Variants in PWP1 observed in about 807,000 individuals in gnomAD.
PWP1 encodes PWP1 homolog, endonuclein.
Under a neutral mutation model 69.9 loss-of-function variants are expected in PWP1, and 47 were observed. The ratio of observed to expected loss-of-function variants is 0.67; its 90% confidence interval spans 0.53 to 0.86. PWP1 has a LOEUF of 0.86. Ranked by LOEUF, PWP1 falls within the 40% of genes least tolerant of loss-of-function variation. PWP1 has a pLI of 0.00. For missense variants in PWP1, 551 were observed against 608.8 expected, an observed-to-expected ratio of 0.91 and a Z score of 1.00; for synonymous variants, 222 against 208.2, an observed-to-expected ratio of 1.07 and a Z score of -0.57.
intron 11 of PWP1, among the ~76,000 whole-genome samples, chr12:107,707,734 A>AT: frequency 6.6e-6 from 1 of 152,324 alleles, no homozygotes; most frequent in South Asian, 2.1e-4. Flanking sequence ...CCAGCCTTGC[A>AT]TCCCAGGGAT....
In PWP1 at chr12:107,708,919, T is replaced by C; in HGVS notation, c.1078-7T>C. On this transcript the variant is annotated splice_region_variant and splice_polypyrimidine_tract_variant and intron_variant, in intron 11 of 14. Coordinates refer to ENST00000412830, the MANE Select transcript of PWP1 (RefSeq NM_007062.3). Reference sequence around the variant, plus strand: ...GCATGACCTTGCCCATCTTTTACTCTTTCTAGGCCAGTACAGATGACGGCT... The same window carrying C: ...GCATGACCTTGCCCATCTTTTACTCCTTCTAGGCCAGTACAGATGACGGCT... The C allele has an allele frequency of 6.2e-7, 1 of 1,611,970 alleles. No individual in the cohort carries two copies. The highest frequency in any genetic ancestry group is 8.5e-7 in the Non-Finnish European group (1 of 1,179,300).
At chr12:107,710,859 ATGTT>A (rs1452386638) in intron 14 of PWP1, among the ~76,000 whole-genome samples, 1 of 152,220 alleles carries the variant, frequency 6.6e-6, no homozygotes, top group Non-Finnish European at 1.5e-5. Flanking sequence ...GTAATTGGTA[ATGTT>A]TGTTCATGTT....
At chr12:107,702,821 A>C (rs1889739495) in intron 8 of PWP1, 114 bp from the exon 9 acceptor site, 1 of 690,918 alleles carries the variant, frequency 1.4e-6, no homozygotes, top group East Asian at 2.8e-5. Context: ...CTTTTGTTAA[A>C]TTTATTCCTA....
At chr12:107,710,558 A>G in intron 14 of PWP1, 48 bp downstream of exon 14, 1 of 1,445,056 alleles carries the variant, frequency 6.9e-7, no homozygotes, top group Non-Finnish European at 9.3e-7. Context: ...CCTGTAAAAA[A>G]AAAAAAAAAA....
At chr12:107,697,715 G>A (rs1307705593) in intron 7 of PWP1, 118 bp downstream of exon 7, 24 of 1,016,414 alleles carry the variant, frequency 2.4e-5, no homozygotes, top group Non-Finnish European at 3.6e-5. Context: ...GATGGGGTAG[G>A]TAGTTATGAA....
chr12:107,710,462 G>T lies in PWP1; in HGVS notation c.1348G>T (p.Gly450Cys). The change falls in exon 14 of 15, where the codon GGT (glycine) becomes TGT (cysteine). Residue 450 changes from glycine to cysteine, a missense_variant. Gly to Cys is a radical substitution (Grantham distance 159). Coordinates refer to ENST00000412830, the MANE Select transcript of PWP1 (RefSeq NM_007062.3). The part of the protein sequence containing the change: ...PDLPFIYAFG[G>C]QKEGLRVWDI... Reference sequence around the variant, plus strand: ...TTTGCCATTTATTTATGCCTTTGGAGGTCAAAAAGAAGGGCTTCGGGTCTG... The same window carrying T: ...TTTGCCATTTATTTATGCCTTTGGATGTCAAAAAGAAGGGCTTCGGGTCTG... 4.4e-6 allele frequency: 7 copies of T among 1,607,392 alleles called. No homozygotes were observed. The highest frequency in any genetic ancestry group is 6.0e-6 in the Non-Finnish European group (7 of 1,176,042).
chr12:107,688,272 T>C (rs992663419), intron 1 of PWP1, among the ~76,000 whole-genome samples, 176 bp from the exon 2 acceptor site: 3 of 146,530 alleles, frequency 2.0e-5, no homozygotes, highest in African/African-American at 7.3e-5. Context: ...AGATCTTATT[T>C]GTAAGAATCT....
At chr12:107,698,005 G>A (rs895027097) in intron 7 of PWP1, among the ~76,000 whole-genome samples, 35 of 152,198 alleles carry the variant, frequency 2.3e-4, no homozygotes, top group Middle Eastern at 3.4e-3. Context: ...TTTTAAAATC[G>A]TTAGGTTTTA....
intron 5 of PWP1, among the ~76,000 whole-genome samples, chr12:107,695,668 G>A (rs958448872): frequency 3.9e-5 from 6 of 152,090 alleles, no homozygotes; most frequent in Non-Finnish European, 5.9e-5. Flanking sequence ...GTCCTCAGGA[G>A]CTTTGTTTAC....
chr12:107,689,626 A>G (rs1889442568), intron 3 of PWP1, among the ~76,000 whole-genome samples: 1 of 152,148 alleles, frequency 6.6e-6, no homozygotes, highest in Non-Finnish European at 1.5e-5. Context: ...CACATCTGTA[A>G]TCCCAGCTAC....
intron 11 of PWP1, among the ~76,000 whole-genome samples, chr12:107,705,419 G>A (rs187419965): frequency 1.0e-3 from 154 of 150,426 alleles, no homozygotes; most frequent in African/African-American, 3.6e-3. Context: ...TGTGCACAAC[G>A]TCCAGGTTTG....
At chr12:107,705,563 C>T (rs1187859242) in intron 11 of PWP1, among the ~76,000 whole-genome samples, 1 of 142,078 alleles carries the variant, frequency 7.0e-6, no homozygotes, top group East Asian at 2.1e-4. Flanking sequence ...TGTTCCCCTT[C>T]CTGTGTCCAA....
intron 1 of PWP1, 76 bp downstream of exon 1, chr12:107,686,047 G>A: frequency 6.5e-7 from 1 of 1,532,408 alleles, no homozygotes; most frequent in Non-Finnish European, 9.0e-7. Context: ...GGGGGAACGT[G>A]GACCCGGAAC....
At chr12:107,695,842 G>A (rs1471021887) in intron 5 of PWP1, among the ~76,000 whole-genome samples, 1 of 152,044 alleles carries the variant, frequency 6.6e-6, no homozygotes, top group Non-Finnish European at 1.5e-5. Context: ...ACTACTTCTT[G>A]TAGTTATGAA....
Position 107,708,925 on chromosome 12 carries a change from G to A in PWP1, c.1078-1G>A, listed in dbSNP as rs1242489612. 13 of 1,612,566 alleles carry A rather than the reference G, an allele frequency of 8.1e-6. No individual in the cohort carries two copies. The highest frequency in any genetic ancestry group is 1.1e-5 in the Non-Finnish European group (13 of 1,179,660). ...CCTTGCCCATCTTTTACTCTTTCTA[G>A]GCCAGTACAGATGACGGCTTTGTAT... On this transcript the variant is annotated splice_acceptor_variant, in intron 11 of 14. Coordinates refer to ENST00000412830, the MANE Select transcript of PWP1 (RefSeq NM_007062.3). LOFTEE classifies it high-confidence loss of function.
At position 107,709,017 on chromosome 12, in the gene PWP1, G is replaced by A; in HGVS notation, c.1168+1G>A. The A allele has an allele frequency of 6.2e-7, 1 of 1,613,780 alleles. No homozygotes were observed. The highest frequency in any genetic ancestry group is 8.5e-7 in the Non-Finnish European group (1 of 1,179,830). ...AATGCACACAATGATGAAATCTCTGGTGAGCAAGAGTAATGCTTCTTTCAT... is the reference window on the plus strand; with the variant it reads ...AATGCACACAATGATGAAATCTCTGATGAGCAAGAGTAATGCTTCTTTCAT... On this transcript the variant is annotated splice_donor_variant, in intron 12 of 14. Transcript: ENST00000412830. LOFTEE classifies it high-confidence loss of function.
intron 7 of PWP1, 33 bp from the exon 8 acceptor site, chr12:107,699,340 T>C: frequency 2.0e-6 from 3 of 1,536,870 alleles, no homozygotes; most frequent in Non-Finnish European, 2.7e-6. Flanking sequence ...AGGGGGACTT[T>C]AATACAAAAA....
At chr12:107,701,077 T>C (rs1472506408) in intron 8 of PWP1, among the ~76,000 whole-genome samples, 1 of 152,206 alleles carries the variant, frequency 6.6e-6, no homozygotes, top group Non-Finnish European at 1.5e-5. Context: ...CTTTGTTTTG[T>C]GCTTATTGGC....
At chr12:107,703,070 C>G (rs185793737) in intron 9 of PWP1, 39 bp downstream of exon 9, 1 of 1,416,692 alleles carries the variant, frequency 7.1e-7, no homozygotes, top group East Asian at 2.3e-5. Flanking sequence ...TCTTAAAAAT[C>G]GGACACAAAT....
Sources: gnomAD v4.1 joint callset for allele counts (sites outside exome capture counted in the v4.1 genomes callset) on GRCh38, gnomAD v4.1.1 for gene constraint, MANE v1.5 for transcripts, NCBI Gene and HGNC (gene_info 2026-07-23, HGNC 2026-07-21) for gene names.